UBE2R2: variants seen among roughly 807,000 people sequenced by gnomAD.
UBE2R2 encodes the protein ubiquitin-conjugating enzyme E2 R2.
A neutral mutation model predicts 27.8 loss-of-function variants in UBE2R2; 1 was observed. The observed-to-expected ratio is 0.04, with a 90% CI of 0.01 to 0.17. The LOEUF (loss-of-function observed/expected upper bound fraction) is 0.17, where lower values mean the gene tolerates loss of function less well. UBE2R2 is among the 10% of genes least tolerant of loss of function. UBE2R2 has a pLI of 1.00. For missense variants in UBE2R2, 100 were observed against 291.0 expected (o/e 0.34, Z 4.78); for synonymous variants, 106 against 113.3 (o/e 0.94, Z 0.41).
At chr9:33,912,229 A>G in intron 4 of UBE2R2, 131 bp downstream of exon 4, 1 of 841,112 alleles carries the variant, frequency 1.2e-6, no homozygotes, top group South Asian at 1.9e-5. Context: ...ATAGTGTGGG[A>G]AGAGAAGATT....
At chr9:33,821,963 G>A (rs1436286108) in intron 1 of UBE2R2, among the ~76,000 whole-genome samples, 12 of 151,380 alleles carry the variant, frequency 7.9e-5, no homozygotes, top group Non-Finnish European at 1.5e-4. Context: ...TTTGATTGAG[G>A]TAATGAAATA....
At chr9:33,866,749 TA>T (rs1821372760) in intron 1 of UBE2R2, among the ~76,000 whole-genome samples, 1 of 152,186 alleles carries the variant, frequency 6.6e-6, no homozygotes, top group Admixed American at 6.6e-5. Context: ...TCCTAATTTC[TA>T]ACAGTATGAA....
chr9:33,859,684 T>A (rs1219496893), intron 1 of UBE2R2, among the ~76,000 whole-genome samples: 1 of 152,052 alleles, frequency 6.6e-6, no homozygotes, highest in Non-Finnish European at 1.5e-5. Context: ...TAATTTTGGA[T>A]TCAAGAAAAT....
rs985890352 is a variant in UBE2R2 at position 33,919,097 on chromosome 9, T to C, written c.*1860T>C. On this transcript the variant is annotated 3_prime_UTR_variant, in exon 5 of 5. Coordinates refer to ENST00000263228, the MANE Select transcript of UBE2R2 (RefSeq NM_017811.4). ...ATCTCCACAGGGCCAGGGTTGCTAC[T>C]TGCACCCAGAATCTAGTGATTTTAG... 4 of 152,400 alleles carry C rather than the reference T, an allele frequency of 2.6e-5. No individual in the cohort carries two copies. Among genetic ancestry groups the C allele is most frequent in the African/African-American group, 9.7e-5 (4 of 41,408 alleles). The allele number at this position is 152,400 out of a possible 1,614,324, so 9.4% of individuals were successfully genotyped here. A position where few individuals can be genotyped will look rare whatever the true frequency, so the allele number is the denominator to read the frequency against.
At chr9:33,883,161 C>T (rs898293957) in intron 1 of UBE2R2, among the ~76,000 whole-genome samples, 3 of 152,100 alleles carry the variant, frequency 2.0e-5, no homozygotes, top group Admixed American at 6.6e-5. Flanking sequence ...TTTGGTGTCA[C>T]GTGTACAAAA....
chr9:33,892,152 A>G (rs1033969831), intron 2 of UBE2R2, among the ~76,000 whole-genome samples: 5 of 152,092 alleles, frequency 3.3e-5, no homozygotes. Flanking sequence ...CGAATTTGTC[A>G]TCAGTGATGG....
At chr9:33,858,331 A>G (rs1415382288) in intron 1 of UBE2R2, among the ~76,000 whole-genome samples, 1 of 152,210 alleles carries the variant, frequency 6.6e-6, no homozygotes, top group Non-Finnish European at 1.5e-5. Context: ...GAAATTAAAG[A>G]AAATAGGAAG....
chr9:33,844,638 A>G lies in UBE2R2; in HGVS notation c.177+26704A>G, dbSNP rs376103238. Among the ~76,000 whole-genome samples the G allele has an allele frequency of 4.6e-5, 7 of 151,728 alleles. 1 individual carries two copies. In the East Asian group the frequency reaches 5.8e-4, roughly 13 times the overall value. ...AATATTCTTGGTGGTGTTGTTCCAA[A>G]CATTCATTAGAGAGGCTAATTATTC... On this transcript the variant is annotated intron_variant, in intron 1 of 4. Coordinates refer to ENST00000263228, the MANE Select transcript of UBE2R2 (RefSeq NM_017811.4).
chr9:33,883,107 A>G (rs1423523719), intron 1 of UBE2R2, among the ~76,000 whole-genome samples: 2 of 152,084 alleles, frequency 1.3e-5, no homozygotes, highest in Non-Finnish European at 2.9e-5. Flanking sequence ...AATAATAATA[A>G]TTTTAATTGT....
chr9:33,822,096 A>T (rs216370), intron 1 of UBE2R2, among the ~76,000 whole-genome samples: 29,283 of 144,800 alleles, frequency 0.2, 3,090 homozygotes, highest in South Asian at 0.37. Flanking sequence ...ATATATATAT[A>T]TTTTTTTTTT....
At position 33,856,104 on chromosome 9, in the gene UBE2R2, T is replaced by C. The variant is rs571330083; in HGVS notation, c.178-30777T>C. Among the ~76,000 whole-genome samples the C allele has an allele frequency of 1.6e-3, 241 of 152,288 alleles. 1 individual carries two copies. The highest frequency in any genetic ancestry group is 5.5e-3 in the African/African-American group (227 of 41,560). On this transcript the variant is annotated intron_variant, in intron 1 of 4. Coordinates refer to ENST00000263228, the MANE Select transcript of UBE2R2 (RefSeq NM_017811.4). ...CAGGGCTCTTACCCTGTCCTGGTTT[T>C]ACCGTGTACACACTTGGCAAGCAAG...
intron 1 of UBE2R2, among the ~76,000 whole-genome samples, chr9:33,831,812 A>C (rs909044725): frequency 6.6e-6 from 1 of 151,674 alleles, no homozygotes; most frequent in Non-Finnish European, 1.5e-5. Context: ...GGTGCCTGCC[A>C]ACACGCCCGG....
chr9:33,909,240 A>G (rs1226826232), intron 3 of UBE2R2, among the ~76,000 whole-genome samples: 1 of 152,018 alleles, frequency 6.6e-6, no homozygotes, highest in East Asian at 1.9e-4. Context: ...TAGTCCCACA[A>G]TTTGGGAGGC....
chr9:33,859,245 C>G (rs1404686582), intron 1 of UBE2R2, among the ~76,000 whole-genome samples: 1 of 152,144 alleles, frequency 6.6e-6, no homozygotes, highest in Non-Finnish European at 1.5e-5. Flanking sequence ...GTAATTGTTA[C>G]TATACTCTGT....
At chr9:33,909,006 T>TTAAATAAATAAATAAATAAA (rs138047093) in intron 3 of UBE2R2, among the ~76,000 whole-genome samples, 2,865 of 150,210 alleles carry the variant, frequency 0.019, 87 homozygotes, top group African/African-American at 0.06. Context: ...GACCCTGTCT[T>TTAAATAAATAAATAAATAAA]TAAATAAATA....
chr9:33,838,273 T>C (rs1820657205), intron 1 of UBE2R2, among the ~76,000 whole-genome samples: 1 of 129,216 alleles, frequency 7.7e-6, no homozygotes, highest in Non-Finnish European at 1.7e-5. Flanking sequence ...CTGTTTTTTT[T>C]TTCTTGTTTT....
At chr9:33,898,969 T>C (rs1822185575) in intron 2 of UBE2R2, among the ~76,000 whole-genome samples, 1 of 152,162 alleles carries the variant, frequency 6.6e-6, no homozygotes, top group South Asian at 2.1e-4. Context: ...TGAAGCAAAA[T>C]ATAATAGCCA....
chr9:33,876,054 A>C (rs1445156790), intron 1 of UBE2R2, among the ~76,000 whole-genome samples: 1 of 152,154 alleles, frequency 6.6e-6, no homozygotes, highest in African/African-American at 2.4e-5. Context: ...ATACATGTGA[A>C]ATAGTATGTT....
At chr9:33,820,222 A>G (rs1447549441) in intron 1 of UBE2R2, among the ~76,000 whole-genome samples, 1 of 152,240 alleles carries the variant, frequency 6.6e-6, no homozygotes, top group South Asian at 2.1e-4. Context: ...AATAGGAAGT[A>G]TGGAAGGATT....
Sources: gnomAD v4.1 joint callset for allele counts (sites outside exome capture counted in the v4.1 genomes callset) on GRCh38, gnomAD v4.1.1 for gene constraint, MANE v1.5 for transcripts, NCBI Gene and HGNC (gene_info 2026-07-23, HGNC 2026-07-21) for gene names.